IMPA1: variants seen among roughly 807,000 people sequenced by gnomAD.
IMPA1 encodes D-galactose 1-phosphate phosphatase.
In IMPA1, 21 loss-of-function variants were observed where a neutral mutation model predicts 34.9. The ratio of observed to expected loss-of-function variants is 0.60; its 90% CI spans 0.43 to 0.87. The LOEUF is 0.87. IMPA1 is among the 40% of genes least tolerant of loss of function. The pLI is 0.00. For missense variants in IMPA1, 299 were observed against 336.4 expected (o/e 0.89, Z 0.87); for synonymous variants, 95 against 104.4 (o/e 0.91, Z 0.55).
intron 1 of IMPA1, among the ~76,000 whole-genome samples, chr8:81,682,143 A>G (rs894636190): frequency 9.9e-5 from 15 of 152,142 alleles, no homozygotes; most frequent in Non-Finnish European, 1.0e-4. Context: ...GAGAAAAGAA[A>G]ATTCCAGGAC....
intron 4 of IMPA1, chr8:81,678,784 T>C (rs1221573777): frequency 1.4e-5 from 3 of 221,714 alleles, no homozygotes; most frequent in Admixed American, 1.1e-4. Flanking sequence ...ACTCAAAGAA[T>C]AGAAAATGGC....
chr8:81,680,172 G>A lies in IMPA1; in HGVS notation c.197+478C>T, dbSNP rs140915112. 2.2e-3 allele frequency among the ~76,000 whole-genome samples: 326 copies of A among 150,918 alleles called. 1 individual carries two copies. Among genetic ancestry groups the A allele is most frequent in the African/African-American group, 7.5e-3 (309 of 41,074 alleles). On this transcript the variant is annotated intron_variant, in intron 3 of 8. Coordinates refer to ENST00000256108, the MANE Select transcript of IMPA1 (RefSeq NM_005536.4). The stretch of plus-strand genomic sequence containing the variant: ...AAAAGGTCACTCTCTAATACTCTCC[G>A]TCCTTCAAGAGGTGGAGCCTAATAT...
At chr8:81,674,854 AC>A (rs766520879) in intron 5 of IMPA1, 36 of 455,784 alleles carry the variant, frequency 7.9e-5, no homozygotes, top group Non-Finnish European at 1.4e-4. Context: ...AATTTCAAAG[AC>A]AAAATCATTC....
chr8:81,685,633 G>C (rs1241939785), intron 1 of IMPA1: 1 of 274,902 alleles, frequency 3.6e-6, no homozygotes, highest in South Asian at 1.5e-4. Flanking sequence ...GTATATTTAT[G>C]TACTATATAT....
At chr8:81,667,914 C>T (rs1258901206) in intron 7 of IMPA1, among the ~76,000 whole-genome samples, 1 of 151,772 alleles carries the variant, frequency 6.6e-6, no homozygotes, top group Non-Finnish European at 1.5e-5. Context: ...AGCTCCGCCT[C>T]CCAGTTTCAC....
intron 3 of IMPA1, among the ~76,000 whole-genome samples, chr8:81,679,963 C>T (rs1301494466): frequency 1.3e-5 from 2 of 151,772 alleles, no homozygotes; most frequent in African/African-American, 2.4e-5. Flanking sequence ...GGTGAAACCC[C>T]GTCTCTATTA....
chr8:81,666,465 C>T (rs1181349817), intron 7 of IMPA1, among the ~76,000 whole-genome samples: 1 of 152,154 alleles, frequency 6.6e-6, no homozygotes, highest in African/African-American at 2.4e-5. Context: ...TTCAAATTGA[C>T]TTATAAAGTG....
At position 81,658,780 on chromosome 8, in the gene IMPA1, G is replaced by A. The variant is rs899979719; in HGVS notation, c.*571C>T. 3.3e-5 allele frequency: 5 copies of A among 152,488 alleles called. No homozygotes were observed. Among genetic ancestry groups the A allele is most frequent in the African/African-American group, 1.2e-4 (5 of 41,374 alleles). The allele number at this position is 152,488 out of a possible 1,614,324, so 9.4% of individuals were successfully genotyped here. Reference sequence around the variant, plus strand: ...TACTTTATGTATCTATTGTAACTAGGAATTACTACATTAAAAATATTCATT... The same window carrying A: ...TACTTTATGTATCTATTGTAACTAGAAATTACTACATTAAAAATATTCATT... On this transcript the variant is annotated 3_prime_UTR_variant, in exon 9 of 9. Transcript: ENST00000256108.
intron 4 of IMPA1, among the ~76,000 whole-genome samples, chr8:81,678,217 C>T (rs1002583511): frequency 2.4e-4 from 36 of 152,056 alleles, no homozygotes; most frequent in African/African-American, 7.5e-4. Flanking sequence ...TCCCCATCCC[C>T]GTCACCCTAA....
At chr8:81,676,510 C>T (rs1465538681) in intron 4 of IMPA1, among the ~76,000 whole-genome samples, 1 of 152,062 alleles carries the variant, frequency 6.6e-6, no homozygotes, top group Non-Finnish European at 1.5e-5. Context: ...CACAGGCACA[C>T]GTTCACACAG....
rs1806940868 is a variant in IMPA1 at position 81,669,943 on chromosome 8, G to A, written c.566+996C>T. Among the ~76,000 whole-genome samples, 3 of 152,146 alleles carry A rather than the reference G, an allele frequency of 2.0e-5. No homozygotes were observed. The South Asian group carries it at 6.2e-4, about 31-fold the overall frequency. On this transcript the variant is annotated intron_variant, in intron 7 of 8. Coordinates refer to ENST00000256108, the MANE Select transcript of IMPA1 (RefSeq NM_005536.4). ...AGGACTGGTGGCTTTATAAAGAGAA[G>A]AACAGAGACCTGAGCTAGCATGCTC...
Position 81,680,642 on chromosome 8 carries a change from A to G in IMPA1, c.197+8T>C, listed in dbSNP as rs1001922365. On this transcript the variant is annotated splice_region_variant and intron_variant, in intron 3 of 8. Transcript: ENST00000256108. ...TAAACATTTCTTGTACACAGTAAATAAAAATACCTGTGAGATGGATACTTT... is the reference window on the plus strand; with the variant it reads ...TAAACATTTCTTGTACACAGTAAATGAAAATACCTGTGAGATGGATACTTT... The G allele has an allele frequency of 6.3e-7, 1 of 1,597,916 alleles. No homozygotes were observed.
chr8:81,686,071 C>G, intron 1 of IMPA1, 181 bp downstream of exon 1: 2 of 1,042,828 alleles, frequency 1.9e-6, no homozygotes, highest in Non-Finnish European at 2.6e-6. Context: ...GGAACTGTTC[C>G]CGGTCGCCCA....
In IMPA1 at chr8:81,668,684, G is replaced by A. The variant is rs964452153; in HGVS notation, c.566+2255C>T. The stretch of plus-strand genomic sequence containing the variant: ...TCAGCCTGGCCAAGAGTGAAAAGGT[G>A]TGTTCAAAGGAGGAAACCGAGGGTT... On this transcript the variant is annotated intron_variant, in intron 7 of 8. Coordinates refer to ENST00000256108, the MANE Select transcript of IMPA1 (RefSeq NM_005536.4). Among the ~76,000 whole-genome samples the A allele has an allele frequency of 3.9e-5, 6 of 152,266 alleles. No homozygotes were observed. In the East Asian group the frequency reaches 9.7e-4, roughly 25 times the overall value.
intron 7 of IMPA1, among the ~76,000 whole-genome samples, chr8:81,661,289 G>T (rs920454312): frequency 1.3e-5 from 2 of 152,228 alleles, no homozygotes; most frequent in Non-Finnish European, 2.9e-5. Flanking sequence ...ATTAATGGGT[G>T]AGTCTGATAA....
At chr8:81,673,533 C>T (rs185475182) in intron 6 of IMPA1, among the ~76,000 whole-genome samples, 50 of 152,268 alleles carry the variant, frequency 3.3e-4, no homozygotes, top group Admixed American at 7.8e-4. Context: ...TCCTTAACTT[C>T]GGCAAAATAA....
chr8:81,676,332 T>A, intron 4 of IMPA1, 53 bp from the exon 5 acceptor site: 1 of 863,312 alleles, frequency 1.2e-6, no homozygotes, highest in Non-Finnish European at 1.7e-6. Context: ...GAACTTTTGT[T>A]AATAAAATTA....
intron 3 of IMPA1, among the ~76,000 whole-genome samples, chr8:81,680,302 T>C (rs1807259124): frequency 6.6e-6 from 1 of 152,172 alleles, no homozygotes; most frequent in South Asian, 2.1e-4. Flanking sequence ...CCCCTCTAAT[T>C]TGCATCTGGT....
At position 81,670,973 on chromosome 8, in the gene IMPA1, T is replaced by C; in HGVS notation, c.532A>G (p.Asn178Asp). 1 of 1,537,474 alleles carries C rather than the reference T, an allele frequency of 6.5e-7. No individual in the cohort carries two copies. Among genetic ancestry groups the C allele is most frequent in the South Asian group, 1.3e-5 (1 of 76,412 alleles). ...TPETVRMVLS[N>D]MEKLFCIPVH... ...GGAATGCAAAAAAGCTTTTCCATAT[T>C]AGAAAGAACCATTCTCACAGTCTCT... The change falls in exon 7 of 9, where the codon AAT becomes GAT. Residue 178 changes from asparagine to aspartate, a missense_variant. By Grantham distance (23) the Asn-to-Asp change is conservative (BLOSUM62 1). Transcript: ENST00000256108.
Sources: gnomAD v4.1 joint callset for allele counts (sites outside exome capture counted in the v4.1 genomes callset) on GRCh38, gnomAD v4.1.1 for gene constraint, MANE v1.5 for transcripts, NCBI Gene and HGNC (gene_info 2026-07-23, HGNC 2026-07-21) for gene names.